The following POR variants were observed in gnomAD, a reference collection of about 807,000 sequenced individuals.
POR encodes the protein NADPH--cytochrome P450 reductase.
POR carries 56 observed loss-of-function variants against 84.0 expected under a neutral mutation model. The ratio of observed to expected loss-of-function variants is 0.67; its 90% CI spans 0.54 to 0.83. POR has a LOEUF of 0.83. Ranked by LOEUF, POR falls within the 40% of genes least tolerant of loss-of-function variation. The probability of loss-of-function intolerance (pLI) is 0.00; values close to 1 mark genes in which losing one functional copy is unlikely to be tolerated. For missense variants in POR, 938 were observed against 944.3 expected, an observed-to-expected ratio of 0.99 and a Z score of 0.09; for synonymous variants, 414 against 400.5, an observed-to-expected ratio of 1.03 and a Z score of -0.40.
chr7:75,939,051 C>T (rs1293310555), intron 1 of POR, among the ~76,000 whole-genome samples: 2 of 152,182 alleles, frequency 1.3e-5, no homozygotes, highest in Non-Finnish European at 2.9e-5. Context: ...CCTCCCCATG[C>T]AGCCGTGACT....
chr7:75,951,652 A>C (rs1403160863), intron 1 of POR, among the ~76,000 whole-genome samples: 1 of 152,192 alleles, frequency 6.6e-6, no homozygotes, highest in Non-Finnish European at 1.5e-5. Context: ...TCATTGCCTA[A>C]TTGCTGACAC....
intron 1 of POR, among the ~76,000 whole-genome samples, chr7:75,952,895 A>G (rs1451451240): frequency 1.3e-5 from 2 of 149,238 alleles, no homozygotes; most frequent in African/African-American, 2.5e-5. Context: ...CCAGGCAGAG[A>G]CGCTCCTCAC....
At chr7:75,920,251 G>C (rs1409495886) in intron 1 of POR, among the ~76,000 whole-genome samples, 5 of 151,568 alleles carry the variant, frequency 3.3e-5, no homozygotes, top group Admixed American at 3.3e-4. Context: ...TGTATTTTTA[G>C]TAGAGATGAG....
In POR at chr7:75,981,546, A is replaced by T; in HGVS notation, c.671A>T (p.Glu224Val). 1 of 1,613,018 alleles carries T rather than the reference A, an allele frequency of 6.2e-7. No individual in the cohort carries two copies. The highest frequency in any genetic ancestry group is 1.6e-4 in the Middle Eastern group (1 of 6,062). ...GAGGAGGACTTCATCACCTGGCGAG[A>T]GCAGTTCTGGCCGGCCGTGTGTGAA... The change falls in exon 7 of 16, where the codon GAG (glutamate) becomes GTG (valine). Residue 224 changes from glutamate (E) to valine (V), a missense_variant. Physicochemically the swap from Glu to Val is moderately radical, Grantham distance 121. Transcript: ENST00000461988.
intron 5 of POR, 65 bp from the exon 6 acceptor site, chr7:75,980,983 C>A: frequency 3.4e-6 from 5 of 1,488,674 alleles, no homozygotes; most frequent in South Asian, 1.3e-5. Context: ...CCGCCCTGCC[C>A]CCATGGCCCC....
intron 2 of POR, among the ~76,000 whole-genome samples, chr7:75,966,447 G>A (rs1256913476): frequency 2.6e-5 from 4 of 152,180 alleles, no homozygotes; most frequent in African/African-American, 7.2e-5. Flanking sequence ...CCCACTCTCC[G>A]TCCTGCCAGA....
At chr7:75,982,799 G>C (rs558901006) in intron 8 of POR, among the ~76,000 whole-genome samples, 5 of 152,228 alleles carry the variant, frequency 3.3e-5, no homozygotes, top group Non-Finnish European at 5.9e-5. Flanking sequence ...GCCTGCCCCA[G>C]CCTGGCTGGA....
intron 1 of POR, among the ~76,000 whole-genome samples, chr7:75,920,644 C>T (rs782300335): frequency 3.2e-4 from 48 of 152,054 alleles, no homozygotes; most frequent in Non-Finnish European, 6.2e-4. Flanking sequence ...TGCCGGTGTT[C>T]TTAGAGCACT....
At chr7:75,967,923 C>A in intron 2 of POR, 1 of 406,438 alleles carries the variant, frequency 2.5e-6, no homozygotes. Context: ...TTGGGGTGTC[C>A]AGGAGCACTT....
At chr7:75,931,159 A>G (rs1427203776) in intron 1 of POR, among the ~76,000 whole-genome samples, 1 of 152,050 alleles carries the variant, frequency 6.6e-6, no homozygotes, top group Non-Finnish European at 1.5e-5. Context: ...AAAGGAAACA[A>G]TCCAAGTATC....
intron 1 of POR, among the ~76,000 whole-genome samples, chr7:75,939,330 G>T (rs956543293): frequency 5.3e-5 from 8 of 152,218 alleles, no homozygotes; most frequent in Admixed American, 3.9e-4. Context: ...AGTGCTTTGG[G>T]CCTCACAGGC....
intron 1 of POR, among the ~76,000 whole-genome samples, chr7:75,935,619 T>G (rs868928825): frequency 3.0e-4 from 40 of 131,286 alleles, no homozygotes; most frequent in Non-Finnish European, 4.8e-4. Context: ...TGCTCGGGGC[T>G]TGTGTGTGTG....
rs1807721777 is a variant in POR, at chr7:75,936,955, T to TATTAC, written c.-4-17033_-4-17032insTTACA. 4.6e-5 allele frequency among the ~76,000 whole-genome samples: 7 copies of TATTAC among 150,924 alleles called. No individual in the cohort carries two copies. In the South Asian group the frequency reaches 1.0e-3, roughly 23 times the overall value. On this transcript the variant is annotated intron_variant, in intron 1 of 15. Coordinates refer to ENST00000461988, the MANE Select transcript of POR (RefSeq NM_000941.3). ...CATTCTCCTGCCTCAGCCTCCCAAGTAGCTGGGATTACAGGCGCCCGCCAC... is the reference window on the plus strand; with the variant it reads ...CATTCTCCTGCCTCAGCCTCCCAAGTATTACAGCTGGGATTACAGGCGCCCGCCAC...
intron 1 of POR, chr7:75,918,558 T>A (rs1039273196): frequency 6.6e-6 from 1 of 152,118 alleles, no homozygotes; most frequent in Non-Finnish European, 1.5e-5. Context: ...TCCTTCTTCA[T>A]CTTCTTGGCG....
At chr7:75,979,365 CGCCTGCCAG>C in intron 3 of POR, 77 bp from the exon 4 acceptor site, 1 of 1,522,612 alleles carries the variant, frequency 6.6e-7, no homozygotes, top group Non-Finnish European at 8.9e-7. Context: ...GGAGGGCCCC[CGCCTGCCAG>C]GCCTGCCCAG....
rs376531331 is a variant in POR, at chr7:75,926,757, G to A, written c.-5+11578G>A. On this transcript the variant is annotated intron_variant, in intron 1 of 15. Transcript: ENST00000461988. ...TGCAGTGAGCTGAGGTTGCGCCATT[G>A]CATTCCATCCAGCCTGGGCAACAAG... Among the ~76,000 whole-genome samples the A allele has an allele frequency of 3.3e-5, 5 of 152,128 alleles. No homozygotes were observed. In the East Asian group the frequency reaches 5.8e-4, roughly 18 times the overall value.
At chr7:75,966,645 C>T (rs41296494) in intron 2 of POR, among the ~76,000 whole-genome samples, 2,071 of 152,288 alleles carry the variant, frequency 0.014, 36 homozygotes, top group African/African-American at 0.048. Flanking sequence ...CAGGAGAAAT[C>T]GAGTCCGCTG....
intron 1 of POR, chr7:75,946,690 G>A (rs1787188356): frequency 6.6e-6 from 1 of 152,336 alleles, no homozygotes; most frequent in Admixed American, 6.5e-5. Context: ...CAAGAGCCTG[G>A]TCTAGTTCTT....
At chr7:75,926,394 G>A (rs1349257333) in intron 1 of POR, among the ~76,000 whole-genome samples, 1 of 152,158 alleles carries the variant, frequency 6.6e-6, no homozygotes, top group African/African-American at 2.4e-5. Flanking sequence ...AAAGCAGCAC[G>A]GCTCTGTTCC....
Sources: allele counts gnomAD v4.1 joint callset (sites outside exome capture counted in the v4.1 genomes callset), GRCh38; gene constraint gnomAD v4.1.1; transcripts MANE v1.5; gene names NCBI Gene and HGNC (gene_info 2026-07-23, HGNC 2026-07-21).